RBFOX1: variants seen among roughly 807,000 people sequenced by gnomAD.
The protein encoded by RBFOX1 is RNA binding fox-1 homolog 1, also known as RNA binding protein fox-1 homolog 1.
In RBFOX1, 8 loss-of-function variants were observed where a neutral mutation model predicts 57.7. The ratio of observed to expected loss-of-function variants is 0.14; its 90% CI spans 0.08 to 0.25. The LOEUF (loss-of-function observed/expected upper bound fraction) is 0.25, where lower values mean the gene tolerates loss of function less well. Among genes scored for constraint, RBFOX1 ranks in the 10% least tolerant of loss-of-function variants. RBFOX1 has a pLI of 1.00. For missense variants in RBFOX1, 611 were observed against 548.5 expected (o/e 1.11, Z -1.14); for synonymous variants, 326 against 222.4 (o/e 1.47, Z -4.15).
chr16:7,039,967 C>T (rs889700766), intron 3 of RBFOX1, among the ~76,000 whole-genome samples: 5 of 151,616 alleles, frequency 3.3e-5, no homozygotes, highest in African/African-American at 1.2e-4. Flanking sequence ...AGATAGCCAC[C>T]CTACATTTAC....
At chr16:7,662,376 A>G (rs957977865) in intron 12 of RBFOX1, among the ~76,000 whole-genome samples, 3 of 152,178 alleles carry the variant, frequency 2.0e-5, no homozygotes, top group African/African-American at 7.2e-5. Flanking sequence ...CTGAATAGCC[A>G]AATCAGAGAC....
intron 1 of RBFOX1, among the ~76,000 whole-genome samples, chr16:6,108,428 G>A (rs2096407538): frequency 6.6e-6 from 1 of 152,276 alleles, no homozygotes; most frequent in East Asian, 1.9e-4. Flanking sequence ...ATAGCTATGT[G>A]TTTAATGGAG....
chr16:6,809,771 C>G (rs1046129846), intron 3 of RBFOX1, among the ~76,000 whole-genome samples: 1 of 151,226 alleles, frequency 6.6e-6, no homozygotes, highest in Non-Finnish European at 1.5e-5. Context: ...TCATAGAAAG[C>G]AGTGGCTTTT....
chr16:7,390,277 C>G (rs1320466823), intron 4 of RBFOX1, among the ~76,000 whole-genome samples: 3 of 152,082 alleles, frequency 2.0e-5, no homozygotes, highest in Middle Eastern at 3.2e-3. Context: ...CACAGCCAAA[C>G]CATATCAGGG....
chr16:6,439,701 A>C (rs77900790), intron 2 of RBFOX1, among the ~76,000 whole-genome samples: 5 of 152,148 alleles, frequency 3.3e-5, no homozygotes, highest in African/African-American at 1.2e-4. Flanking sequence ...GTAGCCCACA[A>C]TATCTTCTAG....
intron 4 of RBFOX1, among the ~76,000 whole-genome samples, chr16:7,375,506 G>GT (rs78927148): frequency 0.034 from 4,818 of 141,060 alleles, 115 homozygotes; most frequent in African/African-American, 0.065. Flanking sequence ...TTGTTTTTTT[G>GT]TTTTTTTTTT....
rs562714397 is a variant in RBFOX1 at position 6,896,882 on chromosome 16, G to C, written c.-15-155175G>C. 8.5e-5 allele frequency among the ~76,000 whole-genome samples: 13 copies of C among 152,220 alleles called. No homozygotes were observed. The South Asian group carries it at 2.7e-3, about 32-fold the overall frequency. Reference sequence around the variant, plus strand: ...GTGGAAGAGTGGTGAGAAATGATTAGGGAATTTAGGTGACATTTTTAAAAA... The same window carrying C: ...GTGGAAGAGTGGTGAGAAATGATTACGGAATTTAGGTGACATTTTTAAAAA... On this transcript the variant is annotated intron_variant, in intron 3 of 15. Transcript: ENST00000550418.
chr16:5,423,470 C>T (rs2067417417), intron 1 of RBFOX1, among the ~76,000 whole-genome samples: 1 of 152,172 alleles, frequency 6.6e-6, no homozygotes, highest in Non-Finnish European at 1.5e-5. Flanking sequence ...GCTCCCTACG[C>T]CATCCAACAG....
At chr16:6,085,930 C>A (rs2096076677) in intron 1 of RBFOX1, among the ~76,000 whole-genome samples, 2 of 152,090 alleles carry the variant, frequency 1.3e-5, no homozygotes, top group Admixed American at 1.3e-4. Flanking sequence ...GTCACCTAGG[C>A]ATTAAGCCCC....
At chr16:7,559,302 C>A (rs2089690762) in intron 5 of RBFOX1, among the ~76,000 whole-genome samples, 1 of 146,972 alleles carries the variant, frequency 6.8e-6, no homozygotes, top group Non-Finnish European at 1.5e-5. Flanking sequence ...ATACATTATA[C>A]ATCTCTTTCT....
chr16:6,122,919 A>T (rs1458276651), intron 1 of RBFOX1, among the ~76,000 whole-genome samples: 1 of 151,794 alleles, frequency 6.6e-6, no homozygotes, highest in Non-Finnish European at 1.5e-5. Flanking sequence ...AAAGACTGAA[A>T]TACCACCAGT....
intron 2 of RBFOX1, among the ~76,000 whole-genome samples, chr16:6,391,649 T>A (rs1373618250): frequency 6.6e-6 from 1 of 152,152 alleles, no homozygotes; most frequent in Non-Finnish European, 1.5e-5. Flanking sequence ...AGGTTATAAT[T>A]GCCTTGATGG....
chr16:7,035,628 CT>C (rs2044184513), intron 3 of RBFOX1, among the ~76,000 whole-genome samples: 1 of 152,070 alleles, frequency 6.6e-6, no homozygotes, highest in Admixed American at 6.6e-5. Context: ...ATCTGAAGAG[CT>C]CTCTGAGCTC....
chr16:6,847,699 C>T (rs532889888), intron 3 of RBFOX1, among the ~76,000 whole-genome samples: 5 of 152,210 alleles, frequency 3.3e-5, no homozygotes, highest in South Asian at 4.1e-4. Context: ...TGACAGTGAT[C>T]GTCAGGATTA....
chr16:5,821,794 G>A (rs887419241), intron 3 of RBFOX1, among the ~76,000 whole-genome samples: 22 of 152,152 alleles, frequency 1.4e-4, no homozygotes, highest in African/African-American at 5.3e-4. Context: ...TGCCCTCTTA[G>A]CATCCAGGAT....
chr16:7,225,905 AATAT>A lies in RBFOX1; in HGVS notation c.27+173819_27+173822del, dbSNP rs1555600461. 3.4e-3 allele frequency among the ~76,000 whole-genome samples: 321 copies of A among 93,744 alleles called. 15 individuals carry two copies. Among genetic ancestry groups the A allele is most frequent in the African/African-American group, 0.014 (287 of 20,994 alleles). 61.5% of individuals were successfully genotyped at this position (93,744 alleles called of 152,430 possible). A position where few individuals can be genotyped will look rare whatever the true frequency, so the allele number is the denominator to read the frequency against. On this transcript the variant is annotated intron_variant, in intron 4 of 15. Coordinates refer to ENST00000550418, the MANE Select transcript of RBFOX1 (RefSeq NM_018723.4). ...GTACCCTAGAACTTAAAGTATAATA[AATAT>A]ATATATATATAAATGTGAATGTCAT...
chr16:6,652,424 G>T (rs914040870), intron 2 of RBFOX1, among the ~76,000 whole-genome samples: 13 of 151,992 alleles, frequency 8.6e-5, no homozygotes, highest in African/African-American at 2.7e-4. Context: ...CTCCAGTCTG[G>T]CGACAGAGCT....
intron 4 of RBFOX1, among the ~76,000 whole-genome samples, chr16:7,397,317 G>T (rs2098157762): frequency 6.6e-6 from 1 of 152,170 alleles, no homozygotes; most frequent in Non-Finnish European, 1.5e-5. Flanking sequence ...TATTTAACAT[G>T]CTATTCACTT....
intron 1 of RBFOX1, among the ~76,000 whole-genome samples, chr16:6,285,416 G>T (rs149006433): frequency 6.6e-6 from 1 of 152,158 alleles, no homozygotes; most frequent in Admixed American, 6.5e-5. Flanking sequence ...TCTTCATGCT[G>T]ACAGGAGTAT....
Sources: gnomAD v4.1 joint callset for allele counts (sites outside exome capture counted in the v4.1 genomes callset) on GRCh38, gnomAD v4.1.1 for gene constraint, MANE v1.5 for transcripts, NCBI Gene and HGNC (gene_info 2026-07-23, HGNC 2026-07-21) for gene names.